DCAF6: variants seen among roughly 807,000 people sequenced by gnomAD.
The protein encoded by DCAF6 is DDB1- and CUL4-associated factor 6.
A neutral mutation model predicts 125.1 loss-of-function variants in DCAF6; 54 were observed. The observed-to-expected ratio is 0.43, with a 90% confidence interval of 0.35 to 0.54. The LOEUF (loss-of-function observed/expected upper bound fraction) is 0.54. DCAF6 is among the 20% of genes least tolerant of loss of function. The probability of loss-of-function intolerance (pLI) is 0.01; values close to 1 mark genes in which losing one functional copy is unlikely to be tolerated. For synonymous variants in DCAF6, 371 were observed against 390.4 expected, an observed-to-expected ratio of 0.95 and a Z score of 0.58; for missense variants, 934 against 1,161.7, an observed-to-expected ratio of 0.80 and a Z score of 2.85.
chr1:167,932,322 G>A (rs1382065035), upstream of DCAF6, among the ~76,000 whole-genome samples: 2 of 152,012 alleles, frequency 1.3e-5, no homozygotes, highest in Non-Finnish European at 1.5e-5. Flanking sequence ...ATTACAGAAT[G>A]TATACACAAT....
At chr1:167,938,012 TTCTGGTTTG>T (rs1020196256) in intron 1 of DCAF6, among the ~76,000 whole-genome samples, 6 of 152,328 alleles carry the variant, frequency 3.9e-5, no homozygotes, top group African/African-American at 1.4e-4. Context: ...CAACCAACAG[TTCTGGTTTG>T]TAAATTATTT....
At chr1:167,977,106 G>T (rs1678357482) in intron 4 of DCAF6, among the ~76,000 whole-genome samples, 1 of 150,180 alleles carries the variant, frequency 6.7e-6, no homozygotes, top group African/African-American at 2.4e-5. Flanking sequence ...GTTTCTCCAT[G>T]TTGGTCAGGC....
At position 168,075,524 on chromosome 1, in the gene DCAF6, T is replaced by C; in HGVS notation, c.*89T>C. ...TTCTTTACAGAGCTTTAGTGCAATT[T>C]TAAGGTTATGGTTTTTGGAGTTTTT... On this transcript the variant is annotated 3_prime_UTR_variant, in exon 22 of 22. Coordinates refer to ENST00000367840, the MANE Select transcript of DCAF6 (RefSeq NM_001198956.2). 3.3e-6 allele frequency: 4 copies of C among 1,195,428 alleles called. No individual in the cohort carries two copies. The highest frequency in any genetic ancestry group is 4.6e-6 in the Non-Finnish European group (4 of 870,088). The allele number at this position is 1,195,428 out of a possible 1,614,324, so 74.1% of individuals were successfully genotyped here. A position where few individuals can be genotyped will look rare whatever the true frequency, so the allele number is the denominator to read the frequency against.
At chr1:168,006,254 A>G (rs1471593752) in intron 10 of DCAF6, among the ~76,000 whole-genome samples, 3 of 151,962 alleles carry the variant, frequency 2.0e-5, no homozygotes, top group Non-Finnish European at 4.4e-5. Context: ...TAAGTATTAA[A>G]TGTGACAATC....
intron 13 of DCAF6, among the ~76,000 whole-genome samples, chr1:168,042,355 T>C (rs944413329): frequency 6.6e-6 from 1 of 152,076 alleles, no homozygotes; most frequent in Non-Finnish European, 1.5e-5. Context: ...TATGCCATGA[T>C]TTGTCACAGA....
rs139393023 is a variant in DCAF6 at position 168,061,506 on chromosome 1, T to C, written c.2301-2115T>C. Among the ~76,000 whole-genome samples the C allele has an allele frequency of 3.6e-4, 55 of 152,316 alleles. No homozygotes were observed. In the East Asian group the frequency reaches 0.01, roughly 29 times the overall value. On this transcript the variant is annotated intron_variant, in intron 17 of 21. Coordinates refer to ENST00000367840, the MANE Select transcript of DCAF6 (RefSeq NM_001198956.2). Reference sequence around the variant, plus strand: ...TTTAGATTAAGCAGTATAATGGTGATATCTTTCATGTGGTTTATGGATCAT... The same window carrying C: ...TTTAGATTAAGCAGTATAATGGTGACATCTTTCATGTGGTTTATGGATCAT...
At chr1:167,996,634 C>A (rs1266238120) in intron 7 of DCAF6, among the ~76,000 whole-genome samples, 1 of 152,186 alleles carries the variant, frequency 6.6e-6, no homozygotes, top group African/African-American at 2.4e-5. Flanking sequence ...CCCTGTCGGA[C>A]CTAAAGCAAA....
At chr1:167,885,402 A>T in the DCAF6 span, among the ~76,000 whole-genome samples, 1 of 152,188 alleles carries the variant, frequency 6.6e-6, no homozygotes, top group South Asian at 2.1e-4. Flanking sequence ...TTACTTTCTC[A>T]TTAACAGTGT....
At chr1:168,035,377 AT>A (rs1330462121) in intron 12 of DCAF6, among the ~76,000 whole-genome samples, 1 of 152,088 alleles carries the variant, frequency 6.6e-6, no homozygotes, top group African/African-American at 2.4e-5. Flanking sequence ...AGCCTGGGAA[AT>A]TGAGGATGCA....
At chr1:168,042,824 AT>A (rs1480489013) in intron 13 of DCAF6, 200 bp from the exon 14 acceptor site, 8 of 445,680 alleles carry the variant, frequency 1.8e-5, no homozygotes, top group Middle Eastern at 6.1e-4. Context: ...ATATTTTTGA[AT>A]TTTTTTTCAA....
intron 1 of DCAF6, among the ~76,000 whole-genome samples, chr1:167,948,902 T>A (rs1240278274): frequency 6.6e-6 from 1 of 152,218 alleles, no homozygotes; most frequent in Non-Finnish European, 1.5e-5. Flanking sequence ...TCCACCCACC[T>A]CGGCCTCCCA....
the DCAF6 span, among the ~76,000 whole-genome samples, chr1:167,866,121 G>GGT: frequency 1.3e-5 from 2 of 152,172 alleles, no homozygotes; most frequent in African/African-American, 4.8e-5. Context: ...GCGGATGTGT[G>GGT]GTGGTATTGT....
the DCAF6 span, among the ~76,000 whole-genome samples, chr1:167,910,325 T>C: frequency 6.6e-6 from 1 of 152,228 alleles, no homozygotes; most frequent in African/African-American, 2.4e-5. Context: ...CTGAAGTTCA[T>C]TGACCTCTTT....
In DCAF6 at chr1:168,003,895, G is replaced by A; in HGVS notation, c.1023G>A (p.Leu341=). 6.2e-7 allele frequency: 1 copy of A among 1,611,038 alleles called. No individual in the cohort carries two copies. The highest frequency in any genetic ancestry group is 8.5e-7 in the Non-Finnish European group (1 of 1,178,984). The part of the protein sequence containing the change: ...RDGEQSPNVS[L]MQRMSDMLSR... ...GAGAGCAGAGTCCCAATGTGTCATT[G>A]ATGCAGAGAATGTCTGATATGTTAT... The change falls in exon 9 of 22, where the codon TTG becomes TTA. Residue 341 remains leucine, a synonymous_variant. Coordinates refer to ENST00000367840, the MANE Select transcript of DCAF6 (RefSeq NM_001198956.2).
chr1:167,975,425 G>A (rs1422024993), intron 4 of DCAF6, among the ~76,000 whole-genome samples: 1 of 152,160 alleles, frequency 6.6e-6, no homozygotes, highest in Non-Finnish European at 1.5e-5. Flanking sequence ...GACTCCAGTA[G>A]ACAAAAGAAT....
At chr1:167,974,021 C>T (rs1202882137) in intron 3 of DCAF6, among the ~76,000 whole-genome samples, 1 of 152,096 alleles carries the variant, frequency 6.6e-6, no homozygotes, top group Non-Finnish European at 1.5e-5. Context: ...AGTCTGTTTT[C>T]ACATAAGCTT....
intron 10 of DCAF6, among the ~76,000 whole-genome samples, chr1:168,007,045 C>G (rs1028104414): frequency 6.6e-6 from 1 of 152,206 alleles, no homozygotes; most frequent in South Asian, 2.1e-4. Flanking sequence ...TTTACACTTT[C>G]ATGTCTCTCA....
At chr1:167,945,973 T>C (rs931331111) in intron 1 of DCAF6, among the ~76,000 whole-genome samples, 5 of 151,280 alleles carry the variant, frequency 3.3e-5, no homozygotes, top group African/African-American at 1.2e-4. Flanking sequence ...TTTTTTTTTT[T>C]TGAGACAGAA....
chr1:168,072,865 C>T (rs918481825), intron 21 of DCAF6, among the ~76,000 whole-genome samples: 1 of 152,138 alleles, frequency 6.6e-6, no homozygotes, highest in Non-Finnish European at 1.5e-5. Flanking sequence ...TCATTATCTT[C>T]CCCAGTTTCC....
Sources: gnomAD v4.1 joint callset for allele counts (sites outside exome capture counted in the v4.1 genomes callset) on GRCh38, gnomAD v4.1.1 for gene constraint, MANE v1.5 for transcripts, NCBI Gene and HGNC (gene_info 2026-07-23, HGNC 2026-07-21) for gene names.